EYA1: variants seen among roughly 807,000 people sequenced by gnomAD.
EYA1 encodes protein phosphatase EYA1.
Under a neutral mutation model 82.0 loss-of-function variants are expected in EYA1, and 16 were observed. That is an observed-to-expected ratio of 0.20 (90% CI 0.13 to 0.30). EYA1 has a LOEUF of 0.30. Ranked by LOEUF, EYA1 falls within the 10% of genes least tolerant of loss-of-function variation. The pLI is 1.00. For missense variants in EYA1, 633 were observed against 730.7 expected, an observed-to-expected ratio of 0.87 and a Z score of 1.54; for synonymous variants, 261 against 264.4, an observed-to-expected ratio of 0.99 and a Z score of 0.12.
chr8:71,364,100 T>G (rs993848908), upstream of EYA1, among the ~76,000 whole-genome samples: 3 of 151,906 alleles, frequency 2.0e-5, no homozygotes, highest in Non-Finnish European at 4.4e-5. Flanking sequence ...AAATAAATGA[T>G]GCATATAATT....
intron 3 of EYA1, among the ~76,000 whole-genome samples, chr8:71,339,700 G>A (rs369449231): frequency 6.6e-6 from 1 of 152,112 alleles, no homozygotes; most frequent in Non-Finnish European, 1.5e-5. Flanking sequence ...CTTGAGCAGG[G>A]TTTAACCTAT....
intron 2 of EYA1, among the ~76,000 whole-genome samples, chr8:71,478,901 G>GCA (rs1315856132): frequency 6.6e-6 from 1 of 152,104 alleles, no homozygotes; most frequent in Non-Finnish European, 1.5e-5. Flanking sequence ...TATTTACTGA[G>GCA]CATCTACCAT....
chr8:71,398,884 G>A (rs1238320054), intron 2 of EYA1, among the ~76,000 whole-genome samples: 3 of 152,204 alleles, frequency 2.0e-5, no homozygotes, highest in African/African-American at 7.2e-5. Flanking sequence ...GCTATGCCCT[G>A]CCCCAAGAGG....
chr8:71,364,983 T>C (rs398047535), upstream of EYA1, among the ~76,000 whole-genome samples: 1,944 of 87,818 alleles, frequency 0.022, 111 homozygotes, highest in African/African-American at 0.062. Flanking sequence ...TATATATATA[T>C]ATACATATAC....
intron 17 of EYA1, among the ~76,000 whole-genome samples, chr8:71,201,614 T>A (rs1280557804): frequency 6.6e-6 from 1 of 152,176 alleles, no homozygotes; most frequent in East Asian, 1.9e-4. Flanking sequence ...TACACAAAGG[T>A]CACCACTATA....
intron 2 of EYA1, among the ~76,000 whole-genome samples, chr8:71,464,605 T>G (rs1283701657): frequency 2.0e-5 from 3 of 152,226 alleles, no homozygotes; most frequent in Non-Finnish European, 4.4e-5. Flanking sequence ...TAATAGGTAT[T>G]AACTACACTA....
intron 2 of EYA1, among the ~76,000 whole-genome samples, chr8:71,427,381 A>G (rs1342173931): frequency 6.6e-6 from 1 of 152,194 alleles, no homozygotes; most frequent in African/African-American, 2.4e-5. Context: ...TTAAATGATA[A>G]CAATTAAAAA....
chr8:71,403,062 C>T (rs1563576733), intron 2 of EYA1, among the ~76,000 whole-genome samples: 1 of 152,072 alleles, frequency 6.6e-6, no homozygotes, highest in Non-Finnish European at 1.5e-5. Flanking sequence ...CCAAAAGCTA[C>T]AAAGGAGAAG....
chr8:71,362,033 C>T lies in EYA1; in HGVS notation c.-441G>A. The T allele has an allele frequency of 1.0e-6, 1 of 985,492 alleles. No homozygotes were observed. The highest frequency in any genetic ancestry group is 1.2e-6 in the Non-Finnish European group (1 of 829,978). The allele number at this position is 985,492 out of a possible 1,614,324, so 61.0% of individuals were successfully genotyped here. ...GGTAACAGCTTTGCGCCCAGCGCTC[C>T]TTCCCCACCAAACAGCAGCGGCAGA... On this transcript the variant is annotated 5_prime_UTR_variant, in exon 1 of 18. Transcript: ENST00000340726.
chr8:71,311,048 TAC>T (rs1220485629), intron 7 of EYA1, among the ~76,000 whole-genome samples: 1 of 152,208 alleles, frequency 6.6e-6, no homozygotes, highest in African/African-American at 2.4e-5. Flanking sequence ...GCACGTGAAC[TAC>T]AGACTGCCTT....
chr8:71,394,681 T>G (rs1003418507), intron 2 of EYA1, among the ~76,000 whole-genome samples: 1 of 152,272 alleles, frequency 6.6e-6, no homozygotes, highest in East Asian at 1.9e-4. Context: ...ACCATGCTGG[T>G]TTGGTTACTG....
chr8:71,274,916 G>GC (rs1317133276), intron 9 of EYA1, among the ~76,000 whole-genome samples: 35 of 152,144 alleles, frequency 2.3e-4, no homozygotes, highest in Admixed American at 3.9e-4. Flanking sequence ...GCGAGCGAGA[G>GC]AGAGAGAATG....
chr8:71,529,174 A>C (rs548503307), intron 2 of EYA1, among the ~76,000 whole-genome samples: 1 of 152,324 alleles, frequency 6.6e-6, no homozygotes, highest in South Asian at 2.1e-4. Context: ...TTCTGAATCC[A>C]AGTCAAGGTT....
intron 1 of EYA1, among the ~76,000 whole-genome samples, chr8:71,545,852 G>T (rs2129295416): frequency 6.6e-6 from 1 of 152,254 alleles, no homozygotes; most frequent in East Asian, 1.9e-4. Context: ...GAGCCACTGT[G>T]CCCGGCCTTT....
At chr8:71,338,334 A>T (rs1233401936) in intron 3 of EYA1, among the ~76,000 whole-genome samples, 1 of 152,236 alleles carries the variant, frequency 6.6e-6, no homozygotes, top group Non-Finnish European at 1.5e-5. Context: ...TTCTGAAGAA[A>T]CAGGCTAATA....
chr8:71,400,595 C>T (rs565244301), intron 2 of EYA1, among the ~76,000 whole-genome samples: 116 of 152,282 alleles, frequency 7.6e-4, no homozygotes, highest in African/African-American at 2.3e-3. Flanking sequence ...GATGCCATTT[C>T]GCATCAGTCA....
intron 12 of EYA1, among the ~76,000 whole-genome samples, chr8:71,232,566 G>A (rs553491918): frequency 8.5e-5 from 13 of 152,282 alleles, no homozygotes; most frequent in Admixed American, 4.6e-4. Context: ...CACACCTCCC[G>A]GCATGCAACT....
chr8:71,499,074 C>T (rs760618961), intron 2 of EYA1, among the ~76,000 whole-genome samples: 6 of 152,148 alleles, frequency 3.9e-5, no homozygotes, highest in Non-Finnish European at 8.8e-5. Flanking sequence ...ACTCAATCAA[C>T]GAGGGTGTGT....
chr8:71,356,318 C>G, intron 2 of EYA1, 144 bp downstream of exon 2: 3 of 635,104 alleles, frequency 4.7e-6, no homozygotes, highest in Non-Finnish European at 7.9e-6. Flanking sequence ...AAATGTTTTA[C>G]AAGCACACAC....
Sources: gnomAD v4.1 joint callset for allele counts (sites outside exome capture counted in the v4.1 genomes callset) on GRCh38, gnomAD v4.1.1 for gene constraint, MANE v1.5 for transcripts, NCBI Gene and HGNC (gene_info 2026-07-23, HGNC 2026-07-21) for gene names.